Variants in NPAS3 observed in about 807,000 individuals in gnomAD.
The protein encoded by NPAS3 is neuronal PAS domain protein 3, also known as neuronal PAS domain-containing protein 3.
A neutral mutation model predicts 73.1 loss-of-function variants in NPAS3; 14 were observed. The observed-to-expected ratio is 0.19, with a 90% CI of 0.13 to 0.30. The LOEUF (loss-of-function observed/expected upper bound fraction) is 0.30. Ranked by LOEUF, NPAS3 falls within the 10% of genes least tolerant of loss-of-function variation. The pLI, the probability that NPAS3 is intolerant of heterozygous loss-of-function variation, is 1.00. For synonymous variants in NPAS3, 620 were observed against 541.5 expected (o/e 1.14, Z -2.01); for missense variants, 1,096 against 1,250.0 (o/e 0.88, Z 1.86).
intron 7 of NPAS3, among the ~76,000 whole-genome samples, chr14:33,757,634 G>T (rs2062156187): frequency 6.6e-6 from 1 of 152,196 alleles, no homozygotes; most frequent in South Asian, 2.1e-4. Flanking sequence ...ATGGCACTTG[G>T]AATGGATATA....
intron 4 of NPAS3, among the ~76,000 whole-genome samples, chr14:33,378,397 C>T (rs2046394549): frequency 6.6e-6 from 1 of 152,112 alleles, no homozygotes; most frequent in Admixed American, 6.6e-5. Context: ...ACACATATTC[C>T]CTTTTTAAGT....
Position 33,560,108 on chromosome 14 carries a change from C to A in NPAS3, c.469-13C>A, listed in dbSNP as rs756060316. The stretch of plus-strand genomic sequence containing the variant: ...TTATTAATCTATTTATATATTTATT[C>A]TTTTTCCTGCAGTCCCTGGATGGCT... On this transcript the variant is annotated splice_polypyrimidine_tract_variant and intron_variant, in intron 4 of 11. Transcript: ENST00000356141. The A allele has an allele frequency of 1.2e-6, 1 of 840,908 alleles. No individual in the cohort carries two copies. Among genetic ancestry groups the A allele is most frequent in the South Asian group, 1.4e-5 (1 of 69,888 alleles). The allele number at this position is 840,908 out of a possible 1,614,324, so 52.1% of individuals were successfully genotyped here. A position where few individuals can be genotyped will look rare whatever the true frequency, so the allele number is the denominator to read the frequency against.
intron 2 of NPAS3, among the ~76,000 whole-genome samples, chr14:33,085,184 C>T (rs1208219280): frequency 3.9e-5 from 6 of 152,058 alleles, no homozygotes; most frequent in Admixed American, 3.9e-4. Flanking sequence ...CCAGTTCTTT[C>T]CAGTGATGAA....
At chr14:33,281,446 C>T (rs774298147) in intron 3 of NPAS3, among the ~76,000 whole-genome samples, 27 of 152,120 alleles carry the variant, frequency 1.8e-4, no homozygotes, top group Non-Finnish European at 4.0e-4. Flanking sequence ...GCCTGGGCAA[C>T]ATGGCAAAAA....
intron 4 of NPAS3, among the ~76,000 whole-genome samples, chr14:33,486,024 G>A (rs569066378): frequency 5.3e-5 from 8 of 152,146 alleles, no homozygotes; most frequent in African/African-American, 1.4e-4. Context: ...CATTGGTGCA[G>A]GCAGCCTCCT....
intron 3 of NPAS3, among the ~76,000 whole-genome samples, chr14:33,288,490 A>G (rs2041968747): frequency 6.6e-6 from 1 of 152,102 alleles, no homozygotes; most frequent in Non-Finnish European, 1.5e-5. Context: ...TGGCAATTTT[A>G]CTTCAAAAAT....
intron 2 of NPAS3, among the ~76,000 whole-genome samples, chr14:33,168,746 C>G (rs1383756015): frequency 6.6e-6 from 1 of 150,916 alleles, no homozygotes; most frequent in African/African-American, 2.4e-5. Flanking sequence ...GTCCTCTTCC[C>G]CTCTTCCCCT....
chr14:33,374,000 T>G (rs1359374159), intron 4 of NPAS3, among the ~76,000 whole-genome samples: 1 of 152,084 alleles, frequency 6.6e-6, no homozygotes, highest in African/African-American at 2.4e-5. Context: ...AAAATAACCC[T>G]CTTGTTCAGG....
At chr14:33,519,187 T>A (rs1476347011) in intron 4 of NPAS3, among the ~76,000 whole-genome samples, 2 of 152,174 alleles carry the variant, frequency 1.3e-5, no homozygotes, top group African/African-American at 4.8e-5. Context: ...TTCAACTGTT[T>A]CGCTGGCATC....
intron 3 of NPAS3, among the ~76,000 whole-genome samples, chr14:33,333,386 T>TTA: frequency 6.6e-6 from 1 of 152,350 alleles, no homozygotes; most frequent in South Asian, 2.1e-4. Flanking sequence ...GAGCTGATTT[T>TTA]TATATACTAC....
chr14:33,109,378 G>A (rs1379306784), intron 2 of NPAS3, among the ~76,000 whole-genome samples: 1 of 152,064 alleles, frequency 6.6e-6, no homozygotes, highest in Non-Finnish European at 1.5e-5. Flanking sequence ...AAAAATTTAT[G>A]TTATGTGTAT....
At chr14:33,587,905 G>A (rs188343232) in intron 5 of NPAS3, among the ~76,000 whole-genome samples, 108 of 152,296 alleles carry the variant, frequency 7.1e-4, no homozygotes, top group African/African-American at 2.5e-3. Flanking sequence ...AATCCAATAT[G>A]TAGAAGAACT....
chr14:33,283,425 A>G (rs1370752392), intron 3 of NPAS3, among the ~76,000 whole-genome samples: 2 of 152,204 alleles, frequency 1.3e-5, no homozygotes, highest in East Asian at 1.9e-4. Flanking sequence ...CTTTAACTTG[A>G]TTGAGGTCAC....
At chr14:33,477,450 G>A (rs914322654) in intron 4 of NPAS3, among the ~76,000 whole-genome samples, 2 of 152,092 alleles carry the variant, frequency 1.3e-5, no homozygotes, top group African/African-American at 4.8e-5. Flanking sequence ...CAGAGATAAC[G>A]TGATCATGTG....
At chr14:33,148,267 G>C (rs2044318919) in intron 2 of NPAS3, among the ~76,000 whole-genome samples, 1 of 151,996 alleles carries the variant, frequency 6.6e-6, no homozygotes, top group African/African-American at 2.4e-5. Context: ...TCTCATTTCT[G>C]TTGCTTAGAA....
chr14:33,519,777 G>A (rs1239368428), intron 4 of NPAS3, among the ~76,000 whole-genome samples: 2 of 152,078 alleles, frequency 1.3e-5, no homozygotes, highest in Admixed American at 6.6e-5. Context: ...TAAGCAGACC[G>A]TACATTTTAA....
chr14:33,755,063 G>A (rs7147628), intron 7 of NPAS3, among the ~76,000 whole-genome samples: 9,810 of 152,178 alleles, frequency 0.064, 643 homozygotes, highest in African/African-American at 0.17. Context: ...TTTAGTCCTC[G>A]TTTTGCCACT....
chr14:33,366,156 T>C (rs2045830292), intron 3 of NPAS3, among the ~76,000 whole-genome samples: 1 of 152,166 alleles, frequency 6.6e-6, no homozygotes, highest in African/African-American at 2.4e-5. Context: ...CTTTTGTCTA[T>C]AAATTTGTTC....
intron 2 of NPAS3, among the ~76,000 whole-genome samples, chr14:33,065,469 G>C (rs2041245395): frequency 6.6e-6 from 1 of 152,136 alleles, no homozygotes; most frequent in Non-Finnish European, 1.5e-5. Flanking sequence ...TCTTAAAGCA[G>C]AGAGAGGGCT....
Sources: allele counts gnomAD v4.1 joint callset (sites outside exome capture counted in the v4.1 genomes callset), GRCh38; gene constraint gnomAD v4.1.1; transcripts MANE v1.5; gene names NCBI Gene and HGNC (gene_info 2026-07-23, HGNC 2026-07-21).